NEIL3: variants seen among roughly 807,000 people sequenced by gnomAD.
The protein encoded by NEIL3 is endonuclease 8-like 3.
In NEIL3, 48 loss-of-function variants were observed where a neutral mutation model predicts 57.5. That is an observed-to-expected ratio of 0.83 (90% CI 0.66 to 1.06). The LOEUF is 1.06. Ranked by LOEUF, NEIL3 falls within the 50% of genes least tolerant of loss-of-function variation. The pLI is 0.00. For synonymous variants in NEIL3, 261 were observed against 253.2 expected (o/e 1.03, Z -0.29); for missense variants, 717 against 739.1 (o/e 0.97, Z 0.35).
intron 4 of NEIL3, among the ~76,000 whole-genome samples, chr4:177,339,176 C>T (rs1735036584): frequency 6.6e-6 from 1 of 152,202 alleles, no homozygotes; most frequent in Non-Finnish European, 1.5e-5. Context: ...AACGTAACTA[C>T]TAATAGCCTA....
Position 177,341,612 on chromosome 4 carries a change from A to C in NEIL3, c.839A>C (p.Gln280Pro). ...NRMTYFCPHCQKENPQHVDIC... is the reference protein window; with the variant it reads ...NRMTYFCPHCPKENPQHVDIC... ...ATGACATATTTCTGTCCTCACTGTCAAAAAGAAAATCCTCAACATGTTGAC... is the reference window on the plus strand; with the variant it reads ...ATGACATATTTCTGTCCTCACTGTCCAAAAGAAAATCCTCAACATGTTGAC... Residue 280 changes from glutamine to proline, a missense_variant, in exon 6 of 10, where the codon CAA becomes CCA. Gln to Pro is a moderately conservative substitution (Grantham distance 76, BLOSUM62 -1). Transcript: ENST00000264596. The C allele has an allele frequency of 6.2e-7, 1 of 1,613,528 alleles. No homozygotes were observed. The highest frequency in any genetic ancestry group is 8.5e-7 in the Non-Finnish European group (1 of 1,179,824).
chr4:177,337,744 A>C (rs760646970), intron 4 of NEIL3, among the ~76,000 whole-genome samples: 19 of 152,126 alleles, frequency 1.2e-4, no homozygotes, highest in Non-Finnish European at 1.8e-4. Flanking sequence ...CATGCCTGTA[A>C]TCCCAGCACT....
chr4:177,341,409 G>A (rs1212135415), intron 5 of NEIL3, 67 bp from the exon 6 acceptor site: 76 of 1,321,632 alleles, frequency 5.8e-5, no homozygotes, highest in Non-Finnish European at 6.9e-5. Context: ...TTTCGAGAAT[G>A]TGTCTTTGGC....
At chr4:177,351,311 C>A in intron 6 of NEIL3, 69 bp from the exon 7 acceptor site, 3 of 992,794 alleles carry the variant, frequency 3.0e-6, no homozygotes, top group South Asian at 1.5e-5. Flanking sequence ...GTTCTATAAT[C>A]ATTTCTAAAA....
At chr4:177,350,203 A>G (rs1396008688) in intron 6 of NEIL3, among the ~76,000 whole-genome samples, 1 of 152,248 alleles carries the variant, frequency 6.6e-6, no homozygotes, top group Non-Finnish European at 1.5e-5. Flanking sequence ...AAAGTCAAAG[A>G]ACTCATGTTC....
chr4:177,351,253 G>T, intron 6 of NEIL3, 127 bp from the exon 7 acceptor site: 2 of 269,690 alleles, frequency 7.4e-6, no homozygotes, highest in Admixed American at 5.3e-5. Context: ...CTAAGATACA[G>T]TACTAACTTC....
chr4:177,335,732 A>C lies in NEIL3; in HGVS notation c.323A>C (p.Glu108Ala), dbSNP rs778138641. 1.3e-6 allele frequency: 2 copies of C among 1,599,356 alleles called. No individual in the cohort carries two copies. The highest frequency in any genetic ancestry group is 1.3e-5 in the African/African-American group (1 of 74,246). ...GGCTTCATCATGATTAATCCACTTG[A>C]GTATAAATATAAAAATGGAGCTTCT... is the stretch of plus-strand genomic sequence containing the variant. ...MKGFIMINPL[E>A]YKYKNGASPV... Residue 108 changes from glutamate to alanine, a missense_variant, in exon 3 of 10, where the codon GAG becomes GCG. Glu to Ala is a moderately radical substitution (Grantham distance 107, BLOSUM62 -1). Transcript: ENST00000264596.
rs533023552 is a variant in NEIL3, at chr4:177,312,304, C to T, written c.156+2195C>T. Among the ~76,000 whole-genome samples, 6 of 152,298 alleles carry T rather than the reference C, an allele frequency of 3.9e-5. No homozygotes were observed. In the South Asian group the frequency reaches 1.2e-3, roughly 32 times the overall value. On this transcript the variant is annotated intron_variant, in intron 1 of 9. Transcript: ENST00000264596. ...TTTCTTTAAAACTCCAAAGCCTACC[C>T]TCTTAACCATGCCATAGCTCCTCTC... is the stretch of plus-strand genomic sequence containing the variant.
chr4:177,336,819 G>A (rs1200508929), intron 4 of NEIL3, among the ~76,000 whole-genome samples: 2 of 152,124 alleles, frequency 1.3e-5, no homozygotes, highest in Non-Finnish European at 2.9e-5. Context: ...TTAAGTACAT[G>A]TTCTGCACAC....
chr4:177,338,295 GTGTCTGT>G (rs1001463836), intron 4 of NEIL3, among the ~76,000 whole-genome samples: 2 of 152,192 alleles, frequency 1.3e-5, no homozygotes, highest in Admixed American at 6.5e-5. Flanking sequence ...GTACATGTAT[GTGTCTGT>G]TTATATGCAG....
At chr4:177,351,197 C>T (rs1735341055) in intron 6 of NEIL3, among the ~76,000 whole-genome samples, 183 bp from the exon 7 acceptor site, 1 of 100,166 alleles carries the variant, frequency 1.0e-5, no homozygotes, top group Non-Finnish European at 1.8e-5. Context: ...GAGCAAGACC[C>T]CATCTCTACA....
chr4:177,365,166 C>T (rs985836696), downstream of NEIL3, among the ~76,000 whole-genome samples: 13 of 152,216 alleles, frequency 8.5e-5, no homozygotes, highest in East Asian at 5.8e-4. Flanking sequence ...CACATGTCTG[C>T]GTGAGTTTTC....
chr4:177,351,876 A>G (rs3828488), intron 7 of NEIL3, among the ~76,000 whole-genome samples: 29,747 of 152,058 alleles, frequency 0.2, 3,730 homozygotes, highest in Admixed American at 0.32. Context: ...GCAACTTTCG[A>G]GTTTGTTATT....
At chr4:177,359,360 A>G (rs766527897) in intron 8 of NEIL3, among the ~76,000 whole-genome samples, 1 of 152,232 alleles carries the variant, frequency 6.6e-6, no homozygotes, top group Non-Finnish European at 1.5e-5. Context: ...TCAAAGCAGT[A>G]TATTTAAGCA....
In NEIL3 at chr4:177,323,291, T is replaced by G. The variant is rs1349222212; in HGVS notation, c.278+711T>G. On this transcript the variant is annotated intron_variant, in intron 2 of 9. Transcript: ENST00000264596. ...GTTTAGCCTAAGCTTTTGCCAACTG[T>G]AAAAATTGATACTGCTTCCTCAAAT... Among the ~76,000 whole-genome samples, 3 of 152,212 alleles carry G rather than the reference T, an allele frequency of 2.0e-5. No individual in the cohort carries two copies. In the East Asian group the frequency reaches 5.8e-4, roughly 29 times the overall value.
At chr4:177,352,407 A>G (rs1454630638) in intron 7 of NEIL3, among the ~76,000 whole-genome samples, 5 of 152,212 alleles carry the variant, frequency 3.3e-5, no homozygotes, top group African/African-American at 1.2e-4. Context: ...AAATGCATTT[A>G]TATGTCTCAT....
chr4:177,322,103 G>A (rs1734696764), intron 1 of NEIL3, among the ~76,000 whole-genome samples: 1 of 152,128 alleles, frequency 6.6e-6, no homozygotes, highest in Admixed American at 6.6e-5. Flanking sequence ...TATACTTCTG[G>A]AAATGGAAGA....
At chr4:177,347,993 C>T (rs377002266) in intron 6 of NEIL3, among the ~76,000 whole-genome samples, 6 of 152,154 alleles carry the variant, frequency 3.9e-5, no homozygotes, top group Admixed American at 2.0e-4. Flanking sequence ...TCTTTTATTA[C>T]GGCTAGATGA....
chr4:177,345,064 T>C (rs1735185628), intron 6 of NEIL3, among the ~76,000 whole-genome samples: 3 of 152,180 alleles, frequency 2.0e-5, no homozygotes, highest in Non-Finnish European at 4.4e-5. Flanking sequence ...CCTCTCAAAG[T>C]GCTCAAGGGC....
Sources: allele counts gnomAD v4.1 joint callset (sites outside exome capture counted in the v4.1 genomes callset), GRCh38; gene constraint gnomAD v4.1.1; transcripts MANE v1.5; gene names NCBI Gene and HGNC (gene_info 2026-07-23, HGNC 2026-07-21).